Variants in CAMSAP2 observed in about 807,000 individuals in gnomAD.
CAMSAP2 encodes calmodulin-regulated spectrin-associated protein 2.
Under a neutral mutation model 146.1 loss-of-function variants are expected in CAMSAP2, and 26 were observed. That is an observed-to-expected ratio of 0.18 (90% CI 0.13 to 0.25). The LOEUF is 0.25. Among genes scored for constraint, CAMSAP2 ranks in the 10% least tolerant of loss-of-function variants. The pLI is 1.00. For synonymous variants in CAMSAP2, 499 were observed against 596.6 expected, an observed-to-expected ratio of 0.84 and a Z score of 2.38; for missense variants, 1,381 against 1,759.3, an observed-to-expected ratio of 0.78 and a Z score of 3.85.
intron 8 of CAMSAP2, among the ~76,000 whole-genome samples, chr1:200,845,343 T>C (rs913545368): frequency 2.0e-5 from 3 of 151,920 alleles, no homozygotes; most frequent in African/African-American, 7.3e-5. Context: ...CAGATGACAG[T>C]CCAAAGCCAC....
Position 200,832,454 on chromosome 1 carries a change from A to G in CAMSAP2, c.787+113A>G, listed in dbSNP as rs1667068449. The G allele has an allele frequency of 5.8e-6, 6 of 1,029,448 alleles. No individual in the cohort carries two copies. In the South Asian group the frequency reaches 1.4e-4, roughly 24 times the overall value. The allele number at this position is 1,029,448 out of a possible 1,614,324, so 63.8% of individuals were successfully genotyped here. A position where few individuals can be genotyped will look rare whatever the true frequency, so the allele number is the denominator to read the frequency against. On this transcript the variant is annotated intron_variant, in intron 5 of 16. Transcript: ENST00000358823. This position sits in a 1 kb window ranked among gnomAD's most constrained non-coding sequence, Gnocchi z 4.2. ...ACTGAGTGGGACCCTGTCTCAAAAA[A>G]AAGACAATATTATTTAATAAGTACT...
intron 2 of CAMSAP2, among the ~76,000 whole-genome samples, chr1:200,762,840 CCTG>C (rs1461463192): frequency 5.3e-5 from 8 of 152,054 alleles, no homozygotes; most frequent in Non-Finnish European, 1.2e-4. Context: ...CTTTATTGAT[CCTG>C]CTGATAGCTT....
In CAMSAP2 at chr1:200,842,113, G is replaced by T. The variant is rs756012917; in HGVS notation, c.1021+26G>T. The T allele has an allele frequency of 7.1e-6, 11 of 1,543,422 alleles. No individual in the cohort carries two copies. The South Asian group carries it at 1.2e-4, about 17-fold the overall frequency. ...GTAATCAATCTTTTTAATTTTAAAT[G>T]TTCCTATGAACAGAAAAAAATGGAA... is the stretch of plus-strand genomic sequence containing the variant. On this transcript the variant is annotated intron_variant, in intron 7 of 16. Coordinates refer to ENST00000358823, the MANE Select transcript of CAMSAP2 (RefSeq NM_203459.4).
intron 2 of CAMSAP2, among the ~76,000 whole-genome samples, chr1:200,797,006 A>C (rs1329204762): frequency 6.6e-6 from 1 of 152,148 alleles, no homozygotes; most frequent in African/African-American, 2.4e-5. Flanking sequence ...TGAACTCATC[A>C]TTTTTATGGC....
At chr1:200,780,142 G>C (rs1404704813) in intron 2 of CAMSAP2, among the ~76,000 whole-genome samples, 1 of 152,104 alleles carries the variant, frequency 6.6e-6, no homozygotes, top group African/African-American at 2.4e-5. Flanking sequence ...TTGTTAAAAA[G>C]CATTATTTAT....
At chr1:200,762,043 A>G (rs1235039615) in intron 2 of CAMSAP2, among the ~76,000 whole-genome samples, 1 of 152,244 alleles carries the variant, frequency 6.6e-6, no homozygotes, top group East Asian at 1.9e-4. Context: ...TCCATACTCG[A>G]TTAAATCAAA....
chr1:200,835,498 G>A (rs1421954989), intron 6 of CAMSAP2, among the ~76,000 whole-genome samples: 5 of 152,106 alleles, frequency 3.3e-5, no homozygotes, highest in Non-Finnish European at 7.3e-5. Context: ...TCTTAGCTTT[G>A]GAGGTAAAGC....
intron 4 of CAMSAP2, among the ~76,000 whole-genome samples, chr1:200,824,880 G>A (rs1307779131): frequency 6.6e-6 from 1 of 152,156 alleles, no homozygotes; most frequent in East Asian, 1.9e-4. Context: ...TTGGGAGGCT[G>A]AGGCAGGAGA....
intron 2 of CAMSAP2, among the ~76,000 whole-genome samples, chr1:200,790,680 CT>C (rs1344358680): frequency 6.6e-6 from 1 of 152,180 alleles, no homozygotes; most frequent in Non-Finnish European, 1.5e-5. Context: ...ATTGTTGATA[CT>C]TCATTCTGTT....
Position 200,858,037 on chromosome 1 carries a change from A to C in CAMSAP2, c.4415A>C (p.Lys1472Thr), listed in dbSNP as rs199812929. 5 of 1,594,932 alleles carry C rather than the reference A, an allele frequency of 3.1e-6. No homozygotes were observed. The East Asian group carries it at 6.8e-5, about 22-fold the overall frequency. ...WQTKRPVTPK[K>T]LLPTKA is the part of the protein sequence containing the mutation. The stretch of plus-strand genomic sequence containing the variant: ...ACCAAAAGACCAGTAACACCCAAAA[A>C]ACTTTTACCCACTAAGGCATAGAAG... The change falls in exon 17 of 17, where the codon AAA becomes ACA. Residue 1472 changes from lysine to threonine, a missense_variant. Lys to Thr is a moderately conservative substitution (Grantham distance 78, BLOSUM62 -1). Transcript: ENST00000358823.
chr1:200,857,727 ATGT>A lies in CAMSAP2; in HGVS notation c.4132-22_4132-20del. 6.5e-7 allele frequency: 1 copy of A among 1,534,116 alleles called. No homozygotes were observed. Among genetic ancestry groups the A allele is most frequent in the Non-Finnish European group, 8.8e-7 (1 of 1,139,070 alleles). On this transcript the variant is annotated intron_variant, in intron 16 of 16. Coordinates refer to ENST00000358823, the MANE Select transcript of CAMSAP2 (RefSeq NM_203459.4). This position sits in a 1 kb window ranked among gnomAD's most constrained non-coding sequence, Gnocchi z 4.7. ...ATAAAGGGTTTTTATTCGTGTTGTT[ATGT>A]TGTTTTTGTTTTTTATTTTAAAGGA...
At position 200,832,150 on chromosome 1, in the gene CAMSAP2, A is replaced by G. The variant is rs763162531; in HGVS notation, c.646-50A>G. 3.4e-6 allele frequency: 5 copies of G among 1,466,066 alleles called. No homozygotes were observed. The highest frequency in any genetic ancestry group is 3.7e-6 in the Non-Finnish European group (4 of 1,084,614). 90.8% of individuals were successfully genotyped at this position (1,466,066 alleles called of 1,614,324 possible). ...AATTTACAGTACTGATTTTTTTCCT[A>G]TGCGTTATTTGGTACTTATTTATTT... On this transcript the variant is annotated intron_variant, in intron 4 of 16. Coordinates refer to ENST00000358823, the MANE Select transcript of CAMSAP2 (RefSeq NM_203459.4). The surrounding 1 kb of genome is among the most constrained non-coding windows in gnomAD (Gnocchi z 4.2).
At chr1:200,834,503 G>A (rs1261149553) in intron 6 of CAMSAP2, among the ~76,000 whole-genome samples, 3 of 152,250 alleles carry the variant, frequency 2.0e-5, no homozygotes, top group African/African-American at 7.2e-5. Flanking sequence ...TCCTCCAGAT[G>A]TTATTTTAGT....
At chr1:200,823,286 T>C (rs968012428) in intron 4 of CAMSAP2, among the ~76,000 whole-genome samples, 3 of 152,224 alleles carry the variant, frequency 2.0e-5, no homozygotes, top group African/African-American at 4.8e-5. Context: ...TTTGTCCTTA[T>C]GTATTTACTT....
At chr1:200,783,678 C>G (rs936664477) in intron 2 of CAMSAP2, among the ~76,000 whole-genome samples, 3 of 151,946 alleles carry the variant, frequency 2.0e-5, no homozygotes, top group Non-Finnish European at 4.4e-5. Context: ...TTTGTAGAAA[C>G]AGGGCCTCAC....
chr1:200,785,383 TTTTTCTTTTG>T (rs1201022801), intron 2 of CAMSAP2, among the ~76,000 whole-genome samples: 225 of 150,024 alleles, frequency 1.5e-3, no homozygotes, highest in African/African-American at 5.5e-3. Context: ...GTTTTCTTTT[TTTTTCTTTTG>T]TTTTTTTTTT....
chr1:200,837,300 C>T (rs1444459237), intron 6 of CAMSAP2, among the ~76,000 whole-genome samples: 1 of 152,120 alleles, frequency 6.6e-6, no homozygotes, highest in East Asian at 1.9e-4. Context: ...TTTCCATCTT[C>T]TGAGTATGGC....
intron 7 of CAMSAP2, among the ~76,000 whole-genome samples, chr1:200,843,017 A>G (rs577674440): frequency 3.0e-4 from 45 of 151,784 alleles, no homozygotes; most frequent in Admixed American, 2.8e-3. Flanking sequence ...GTTTATTTCT[A>G]TAGGGGGAAA....
At chr1:200,824,904 G>T (rs1309631591) in intron 4 of CAMSAP2, among the ~76,000 whole-genome samples, 1 of 152,056 alleles carries the variant, frequency 6.6e-6, no homozygotes, top group Non-Finnish European at 1.5e-5. Context: ...GCTTGAGCCC[G>T]GGAGGCGGAG....
Sources: allele counts gnomAD v4.1 joint callset (sites outside exome capture counted in the v4.1 genomes callset), GRCh38; gene constraint gnomAD v4.1.1; non-coding constraint Gnocchi (gnomAD v3.1); transcripts MANE v1.5; gene names NCBI Gene and HGNC (gene_info 2026-07-23, HGNC 2026-07-21).